The following NARS2 variants were observed in gnomAD, a reference collection of about 807,000 sequenced individuals.
The protein encoded by NARS2 is asparaginyl-tRNA synthetase.
In NARS2, 60 loss-of-function variants were observed where a neutral mutation model predicts 62.9. The ratio of observed to expected loss-of-function variants is 0.95; its 90% CI spans 0.77 to 1.18. The LOEUF is 1.18. Among genes scored for constraint, NARS2 ranks in the 50% most tolerant of loss-of-function variants. The pLI is 0.00. For synonymous variants in NARS2, 196 were observed against 200.0 expected, an observed-to-expected ratio of 0.98 and a Z score of 0.17; for missense variants, 619 against 576.4, an observed-to-expected ratio of 1.07 and a Z score of -0.76.
chr11:78,474,888 T>C (rs1311079942), intron 9 of NARS2, among the ~76,000 whole-genome samples: 1 of 152,158 alleles, frequency 6.6e-6, no homozygotes, highest in South Asian at 2.1e-4. Flanking sequence ...GTAATTAACA[T>C]ATCTATCGTC....
chr11:78,562,557 CTT>C (rs1856592682), intron 4 of NARS2, among the ~76,000 whole-genome samples: 1 of 152,216 alleles, frequency 6.6e-6, no homozygotes. Context: ...AGAGCAGAAT[CTT>C]TTCTACTGGC....
chr11:78,444,968 C>CA (rs1857707841), intron 11 of NARS2, among the ~76,000 whole-genome samples: 1 of 151,702 alleles, frequency 6.6e-6, no homozygotes, highest in African/African-American at 2.4e-5. Flanking sequence ...ATCAGAGATG[C>CA]AAAAAAAGAT....
intron 6 of NARS2, among the ~76,000 whole-genome samples, chr11:78,502,440 T>C (rs1355221965): frequency 6.6e-6 from 1 of 152,228 alleles, no homozygotes; most frequent in Non-Finnish European, 1.5e-5. Flanking sequence ...ATTATGGTTC[T>C]ACCCTTATGT....
rs1565292863 is a variant in NARS2, at chr11:78,571,318, T to A, written c.251+17A>T. On this transcript the variant is annotated intron_variant, in intron 2 of 13. Coordinates refer to ENST00000281038, the MANE Select transcript of NARS2 (RefSeq NM_024678.6). ...AAAAACAAAAATCAAAGAATTCTTT[T>A]AAAAAACAAAACTCACCTACTGTCA... The A allele has an allele frequency of 3.2e-6, 5 of 1,565,480 alleles. No homozygotes were observed. Among genetic ancestry groups the A allele is most frequent in the Non-Finnish European group, 4.4e-6 (5 of 1,136,808 alleles).
chr11:78,553,488 C>A (rs1856207921), intron 5 of NARS2, among the ~76,000 whole-genome samples: 1 of 152,062 alleles, frequency 6.6e-6, no homozygotes, highest in Non-Finnish European at 1.5e-5. Context: ...AGGGTTTCAC[C>A]ATGTTGGCCA....
chr11:78,452,298 G>C (rs1289832666), intron 11 of NARS2, among the ~76,000 whole-genome samples: 2 of 151,964 alleles, frequency 1.3e-5, no homozygotes, highest in East Asian at 3.9e-4. Flanking sequence ...TAGTAGAGAA[G>C]GGATTTCACC....
intron 6 of NARS2, among the ~76,000 whole-genome samples, chr11:78,515,721 C>T (rs1860884701): frequency 6.6e-6 from 1 of 151,860 alleles, no homozygotes; most frequent in Admixed American, 6.6e-5. Context: ...AAGAGGGAGT[C>T]TTGCTATTGT....
chr11:78,475,116 C>T (rs1296332407), intron 9 of NARS2, among the ~76,000 whole-genome samples: 1 of 136,668 alleles, frequency 7.3e-6, no homozygotes, highest in Non-Finnish European at 1.5e-5. Context: ...CCATTCTACT[C>T]ACTACTTCTG....
chr11:78,526,786 C>A (rs1468420878), intron 6 of NARS2, among the ~76,000 whole-genome samples: 2 of 152,082 alleles, frequency 1.3e-5, no homozygotes, highest in Non-Finnish European at 2.9e-5. Flanking sequence ...ATATATTTCA[C>A]ATATGACACT....
At chr11:78,561,183 G>A (rs1423774045) in intron 4 of NARS2, among the ~76,000 whole-genome samples, 2 of 152,154 alleles carry the variant, frequency 1.3e-5, no homozygotes, top group Non-Finnish European at 2.9e-5. Flanking sequence ...AGCTTTCGCT[G>A]CTTTAAAACT....
At chr11:78,564,134 A>G (rs1023569840) in intron 4 of NARS2, among the ~76,000 whole-genome samples, 1 of 151,778 alleles carries the variant, frequency 6.6e-6, no homozygotes, top group Non-Finnish European at 1.5e-5. Context: ...TCCTGAACTC[A>G]GGCAATCCGC....
At chr11:78,515,507 G>A (rs1173556884) in intron 6 of NARS2, among the ~76,000 whole-genome samples, 1 of 152,030 alleles carries the variant, frequency 6.6e-6, no homozygotes, top group Admixed American at 6.6e-5. Context: ...TAGTAAAAAC[G>A]ACTGAATTGT....
At chr11:78,473,065 C>T (rs865779602) in intron 9 of NARS2, among the ~76,000 whole-genome samples, 10 of 152,298 alleles carry the variant, frequency 6.6e-5, no homozygotes, top group Middle Eastern at 3.4e-3. Flanking sequence ...ACTCGGGAGG[C>T]TGAGGCAGGA....
intron 7 of NARS2, among the ~76,000 whole-genome samples, chr11:78,486,418 A>G (rs2135297497): frequency 6.6e-6 from 1 of 152,348 alleles, no homozygotes; most frequent in East Asian, 1.9e-4. Flanking sequence ...TATGTGAAAC[A>G]GACCCAAAGA....
chr11:78,506,294 T>C (rs1860495148), intron 6 of NARS2, among the ~76,000 whole-genome samples: 1 of 152,234 alleles, frequency 6.6e-6, no homozygotes, highest in Non-Finnish European at 1.5e-5. Context: ...GGTAGATTCT[T>C]ACAAAGTTAA....
At chr11:78,533,320 T>C (rs1565263880) in intron 5 of NARS2, 2 of 152,216 alleles carry the variant, frequency 1.3e-5, no homozygotes, top group African/African-American at 4.8e-5. Flanking sequence ...GTTTAGTTTG[T>C]TATTCTCTTA....
intron 5 of NARS2, among the ~76,000 whole-genome samples, chr11:78,543,120 G>A (rs1855694197): frequency 6.6e-6 from 1 of 152,156 alleles, no homozygotes; most frequent in African/African-American, 2.4e-5. Context: ...AGAGGTTGCA[G>A]TGGGCTGAGA....
chr11:78,441,886 A>C (rs1361513590), intron 12 of NARS2, among the ~76,000 whole-genome samples: 1 of 152,196 alleles, frequency 6.6e-6, no homozygotes, highest in African/African-American at 2.4e-5. Flanking sequence ...GAGAACTATT[A>C]ATAAAATTTT....
At chr11:78,441,566 C>T (rs1374638742) in intron 12 of NARS2, among the ~76,000 whole-genome samples, 1 of 151,978 alleles carries the variant, frequency 6.6e-6, no homozygotes, top group East Asian at 1.9e-4. Context: ...CAAAAATTAG[C>T]TGGGTGTGGT....
Sources: allele counts gnomAD v4.1 joint callset (sites outside exome capture counted in the v4.1 genomes callset), GRCh38; gene constraint gnomAD v4.1.1; transcripts MANE v1.5; gene names NCBI Gene and HGNC (gene_info 2026-07-23, HGNC 2026-07-21).